Variants in SASH1 observed in about 807,000 individuals in gnomAD.
SASH1 encodes SAM and SH3 domain-containing protein 1.
Under a neutral mutation model 125.2 loss-of-function variants are expected in SASH1, and 44 were observed. The ratio of observed to expected loss-of-function variants is 0.35; its 90% CI spans 0.28 to 0.45. SASH1 has a LOEUF of 0.45. SASH1 is among the 20% of genes least tolerant of loss of function. The pLI, the probability that SASH1 is intolerant of heterozygous loss-of-function variation, is 1.00. For synonymous variants in SASH1, 639 were observed against 649.1 expected (o/e 0.98, Z 0.24); for missense variants, 1,426 against 1,614.5 (o/e 0.88, Z 2.00).
chr6:148,222,707 C>G, the SASH1 span, among the ~76,000 whole-genome samples: 1 of 152,044 alleles, frequency 6.6e-6, no homozygotes, highest in Admixed American at 6.6e-5. Context: ...CATTTTACTA[C>G]CATTATCTTA....
chr6:148,208,971 T>G, the SASH1 span, among the ~76,000 whole-genome samples: 1 of 152,256 alleles, frequency 6.6e-6, no homozygotes, highest in South Asian at 2.1e-4. Flanking sequence ...TAAGGCCTTT[T>G]TCTGCTGGGC....
chr6:148,304,023 G>T (rs1311078908), intron 1 of SASH1, among the ~76,000 whole-genome samples: 1 of 152,046 alleles, frequency 6.6e-6, no homozygotes, highest in Non-Finnish European at 1.5e-5. Context: ...CCAAATCGGG[G>T]GCCGGGTGCG....
chr6:148,538,313 T>C (rs1781995942), intron 16 of SASH1, among the ~76,000 whole-genome samples: 2 of 152,226 alleles, frequency 1.3e-5, no homozygotes, highest in African/African-American at 4.8e-5. Flanking sequence ...TTGGCCACTG[T>C]GGTGCACTGA....
intron 1 of SASH1, among the ~76,000 whole-genome samples, chr6:148,290,993 T>C (rs1375994454): frequency 7.5e-6 from 1 of 132,934 alleles, no homozygotes; most frequent in Non-Finnish European, 1.6e-5. Context: ...TCTTCCACTT[T>C]ATCTTGTTTT....
upstream of SASH1, among the ~76,000 whole-genome samples, chr6:148,268,851 G>T (rs1407080291): frequency 1.3e-5 from 2 of 152,120 alleles, no homozygotes; most frequent in Non-Finnish European, 2.9e-5. Context: ...TCAGATATTT[G>T]CATTTCCTTT....
At chr6:148,516,490 G>GCCCCCC (rs1780445168) in intron 9 of SASH1, among the ~76,000 whole-genome samples, 5 of 114,268 alleles carry the variant, frequency 4.4e-5, no homozygotes, top group Admixed American at 8.9e-5. Flanking sequence ...GCCAGTAGGC[G>GCCCCCC]CCCCCTCCCC....
At chr6:148,317,345 C>T (rs1224363541) in intron 1 of SASH1, among the ~76,000 whole-genome samples, 2 of 152,180 alleles carry the variant, frequency 1.3e-5, no homozygotes, top group Non-Finnish European at 2.9e-5. Context: ...GAAAGTTAAA[C>T]ACTATGGGTG....
rs572044594 is a variant in SASH1 at position 148,407,653 on chromosome 6, G to A, written c.285+17391G>A. Among the ~76,000 whole-genome samples, 5 of 152,298 alleles carry A rather than the reference G, an allele frequency of 3.3e-5. No individual in the cohort carries two copies. In the South Asian group the frequency reaches 1.0e-3, roughly 32 times the overall value. On this transcript the variant is annotated intron_variant, in intron 2 of 19. Coordinates refer to ENST00000367467, the MANE Select transcript of SASH1 (RefSeq NM_015278.5). ...TTTAATTTTTTTGTTTTTGTTTTGA[G>A]ATGGAGTCTTGCTCTGTCACTCCGG...
At chr6:148,511,362 CA>C (rs1344351281) in intron 8 of SASH1, among the ~76,000 whole-genome samples, 1 of 149,850 alleles carries the variant, frequency 6.7e-6, no homozygotes, top group East Asian at 1.9e-4. Flanking sequence ...CACACACACA[CA>C]CACACACACA....
chr6:148,218,785 G>A, the SASH1 span, among the ~76,000 whole-genome samples: 2 of 152,192 alleles, frequency 1.3e-5, no homozygotes, highest in Non-Finnish European at 2.9e-5. Flanking sequence ...ACCACCTTGT[G>A]AACCCTTCTG....
At chr6:148,448,113 A>AGTGTGTGTGTGTGTGTGTGT (rs113367122) in intron 4 of SASH1, among the ~76,000 whole-genome samples, 7 of 133,292 alleles carry the variant, frequency 5.3e-5, no homozygotes, top group African/African-American at 2.1e-4. Flanking sequence ...TGCAGTGGAG[A>AGTGTGTGTGTGTGTGTGTGT]GAGTGTGTGT....
chr6:148,283,753 G>A (rs559662964), intron 1 of SASH1, among the ~76,000 whole-genome samples: 2 of 152,132 alleles, frequency 1.3e-5, no homozygotes, highest in African/African-American at 4.8e-5. Context: ...CAGCCTGGGT[G>A]AAGATCGAGA....
At chr6:148,365,973 C>T (rs775598474) in intron 1 of SASH1, among the ~76,000 whole-genome samples, 10 of 152,170 alleles carry the variant, frequency 6.6e-5, no homozygotes, top group Admixed American at 2.0e-4. Context: ...ATTAGCCAGG[C>T]GTGGTGGCGT....
At chr6:148,474,662 C>T (rs1778261649) in intron 7 of SASH1, among the ~76,000 whole-genome samples, 1 of 152,170 alleles carries the variant, frequency 6.6e-6, no homozygotes, top group South Asian at 2.1e-4. Context: ...GCCTCAACCT[C>T]CTGGGTCCAA....
upstream of SASH1, among the ~76,000 whole-genome samples, chr6:148,340,847 C>T (rs1057243860): frequency 2.0e-5 from 3 of 152,016 alleles, no homozygotes; most frequent in Admixed American, 6.6e-5. Context: ...CAAACATTAT[C>T]GTCAGAGACT....
At chr6:148,481,983 G>C (rs1013257524) in intron 7 of SASH1, among the ~76,000 whole-genome samples, 1 of 152,150 alleles carries the variant, frequency 6.6e-6, no homozygotes. Context: ...AGGTGCGGCT[G>C]TACCAATTTT....
rs1464191004 is a variant in SASH1, at chr6:148,533,528, G to A, written c.1735-243G>A. On this transcript the variant is annotated intron_variant, in intron 14 of 19. Coordinates refer to ENST00000367467, the MANE Select transcript of SASH1 (RefSeq NM_015278.5). This position sits in a 1 kb window ranked among gnomAD's most constrained non-coding sequence, Gnocchi z 6.2. ...AGGCACCCCTGGTTCTGCAGGGCAG[G>A]AGGGTGGAGGGGCTGTGACCGGGGG... Among the ~76,000 whole-genome samples the A allele has an allele frequency of 6.6e-6, 1 of 152,162 alleles. No individual in the cohort carries two copies. The highest frequency in any genetic ancestry group is 2.4e-5 in the African/African-American group (1 of 41,448).
chr6:148,282,290 C>G (rs77773982), intron 1 of SASH1, among the ~76,000 whole-genome samples: 5,009 of 152,298 alleles, frequency 0.033, 268 homozygotes, highest in African/African-American at 0.11. Context: ...ATTCTCAGGA[C>G]TACACTGAAG....
At chr6:148,238,262 T>G in the SASH1 span, among the ~76,000 whole-genome samples, 1 of 152,064 alleles carries the variant, frequency 6.6e-6, no homozygotes, top group Non-Finnish European at 1.5e-5. Context: ...CTCTCTCTAT[T>G]GCTCAGGCTG....
Sources: gnomAD v4.1 joint callset for allele counts (sites outside exome capture counted in the v4.1 genomes callset) on GRCh38, gnomAD v4.1.1 for gene constraint, Gnocchi (gnomAD v3.1) non-coding constraint, MANE v1.5 for transcripts, NCBI Gene and HGNC (gene_info 2026-07-23, HGNC 2026-07-21) for gene names.